MGAT4A: variants seen among roughly 807,000 people sequenced by gnomAD.
MGAT4A encodes the protein N-acetylglucosaminyltransferase IVa.
A neutral mutation model predicts 74.1 loss-of-function variants in MGAT4A; 33 were observed. That is an observed-to-expected ratio of 0.45 (90% CI 0.34 to 0.60). MGAT4A has a LOEUF of 0.60. MGAT4A is among the 20% of genes least tolerant of loss of function. The pLI, the probability that MGAT4A is intolerant of heterozygous loss-of-function variation, is 0.02. For synonymous variants in MGAT4A, 198 were observed against 210.4 expected (o/e 0.94, Z 0.51); for missense variants, 479 against 628.3 (o/e 0.76, Z 2.54).
At chr2:98,689,186 A>G (rs1702164533) in intron 2 of MGAT4A, among the ~76,000 whole-genome samples, 1 of 152,208 alleles carries the variant, frequency 6.6e-6, no homozygotes, top group African/African-American at 2.4e-5. Flanking sequence ...GTTCAAAAAC[A>G]CTACTTTGTA....
At chr2:98,644,513 A>G (rs1701457034) in intron 9 of MGAT4A, among the ~76,000 whole-genome samples, 1 of 152,232 alleles carries the variant, frequency 6.6e-6, no homozygotes, top group African/African-American at 2.4e-5. Flanking sequence ...AATGATCAAG[A>G]TTGTCAAAGG....
intron 2 of MGAT4A, among the ~76,000 whole-genome samples, chr2:98,696,938 T>G (rs1353608964): frequency 6.6e-6 from 1 of 152,220 alleles, no homozygotes; most frequent in Non-Finnish European, 1.5e-5. Flanking sequence ...CCTATATTTC[T>G]GCATTGTGAT....
rs755207905 is a variant in MGAT4A at position 98,683,034 on chromosome 2, G to A, written c.95-4563C>T. The stretch of plus-strand genomic sequence containing the variant: ...ACCCAGGAGGCGGAGGTTGCAGTGA[G>A]CCGAGATCGCGCCACTGCACTCCAG... On this transcript the variant is annotated intron_variant, in intron 2 of 15. Coordinates refer to ENST00000393487, the MANE Select transcript of MGAT4A (RefSeq NM_012214.3). 6.6e-4 allele frequency among the ~76,000 whole-genome samples: 100 copies of A among 151,910 alleles called. 1 individual carries two copies. The highest frequency in any genetic ancestry group is 1.2e-3 in the Admixed American group (18 of 15,260).
At chr2:98,678,152 C>T (rs570442321) in intron 3 of MGAT4A, 152 bp downstream of exon 3, 62 of 170,048 alleles carry the variant, frequency 3.6e-4, no homozygotes, top group Non-Finnish European at 7.0e-4. Context: ...ATGGTGTGAA[C>T]CCTGGAGGTG....
At chr2:98,680,593 T>C (rs1166725099) in intron 2 of MGAT4A, among the ~76,000 whole-genome samples, 1 of 152,222 alleles carries the variant, frequency 6.6e-6, no homozygotes, top group Admixed American at 6.5e-5. Context: ...CGTATTTGCG[T>C]TAATTTGCTC....
At chr2:98,666,556 G>C (rs1404204866) in intron 4 of MGAT4A, among the ~76,000 whole-genome samples, 2 of 152,100 alleles carry the variant, frequency 1.3e-5, no homozygotes, top group Non-Finnish European at 2.9e-5. Context: ...AGCTGGGCAT[G>C]GTGGCGCATG....
chr2:98,641,094 C>G (rs887572104), intron 10 of MGAT4A, among the ~76,000 whole-genome samples: 2 of 152,184 alleles, frequency 1.3e-5, no homozygotes, highest in African/African-American at 4.8e-5. Flanking sequence ...AACCTGTCCT[C>G]ATGCATGGGC....
intron 5 of MGAT4A, among the ~76,000 whole-genome samples, chr2:98,660,414 A>G (rs370139156): frequency 8.3e-6 from 1 of 119,842 alleles, no homozygotes; most frequent in Non-Finnish European, 1.7e-5. Context: ...ACACACACGC[A>G]CGCGCACACA....
chr2:98,637,915 A>G (rs967061649), intron 12 of MGAT4A, among the ~76,000 whole-genome samples: 1 of 152,174 alleles, frequency 6.6e-6, no homozygotes, highest in Non-Finnish European at 1.5e-5. Flanking sequence ...GCCAGTAGAT[A>G]TGGCTGTAAA....
Position 98,624,292 on chromosome 2 carries a change from G to T in MGAT4A, c.*1274C>A. The T allele has an allele frequency of 3.2e-6, 3 of 951,440 alleles. No individual in the cohort carries two copies. Among genetic ancestry groups the T allele is most frequent in the Non-Finnish European group, 3.8e-6 (3 of 799,114 alleles). 58.9% of individuals were successfully genotyped at this position (951,440 alleles called of 1,614,324 possible). ...CTCCCAAAGTGCTGGGATTACAGGCGTGAGCCACAGCGCCTGGTGATAATT... is the reference window on the plus strand; with the variant it reads ...CTCCCAAAGTGCTGGGATTACAGGCTTGAGCCACAGCGCCTGGTGATAATT... On this transcript the variant is annotated 3_prime_UTR_variant, in exon 16 of 16. Coordinates refer to ENST00000393487, the MANE Select transcript of MGAT4A (RefSeq NM_012214.3).
Position 98,675,118 on chromosome 2 carries a change from C to A in MGAT4A, c.320G>T (p.Ser107Ile), listed in dbSNP as rs1446272004. The A allele has an allele frequency of 1.2e-6, 2 of 1,612,570 alleles. No homozygotes were observed. The highest frequency in any genetic ancestry group is 8.5e-7 in the Non-Finnish European group (1 of 1,179,244). The change falls in exon 4 of 16, where the codon AGT (serine) becomes ATT (isoleucine). Residue 107 changes from serine (S) to isoleucine (I), a missense_variant. Around this residue, in one of 3 missense-constraint regions of MGAT4A, gnomAD observed 205 missense variants for 232.7 expected, o/e 0.88. Transcript: ENST00000393487. ...LTSKKSLQVP[S>I]IYYHLPHLLK... is the part of the protein sequence containing the mutation. The stretch of plus-strand genomic sequence containing the variant: ...TAAATGAGGCAAATGATAATAAATA[C>A]TTGGCACTTGAAGAGATTTTTTGCT...
Position 98,621,150 on chromosome 2 carries a change from C to T in MGAT4A, c.*4416G>A. On this transcript the variant is annotated 3_prime_UTR_variant, in exon 16 of 16. Transcript: ENST00000393487. The stretch of plus-strand genomic sequence containing the variant: ...CCACAAATTTAGCAGCTTAAAACAC[C>T]ACTGATTTATTATCTCATAGTTCTG... The T allele has an allele frequency of 3.0e-6, 1 of 334,796 alleles. No individual in the cohort carries two copies. Among genetic ancestry groups the T allele is most frequent in the Non-Finnish European group, 5.4e-6 (1 of 186,284 alleles). The allele number at this position is 334,796 out of a possible 1,614,324, so 20.7% of individuals were successfully genotyped here. A position where few individuals can be genotyped will look rare whatever the true frequency, so the allele number is the denominator to read the frequency against.
At position 98,624,069 on chromosome 2, in the gene MGAT4A, G is replaced by A; in HGVS notation, c.*1497C>T. ...GCTGTGTCGCCCAGGCTGGAGTGCA[G>A]TGGTGCGATCTCAGCTCACTGCCAG... On this transcript the variant is annotated 3_prime_UTR_variant, in exon 16 of 16. Coordinates refer to ENST00000393487, the MANE Select transcript of MGAT4A (RefSeq NM_012214.3). 2 of 961,304 alleles carry A rather than the reference G, an allele frequency of 2.1e-6. No individual in the cohort carries two copies. The highest frequency in any genetic ancestry group is 2.5e-6 in the Non-Finnish European group (2 of 808,178). 59.5% of individuals were successfully genotyped at this position (961,304 alleles called of 1,614,324 possible).
Position 98,622,180 on chromosome 2 carries a change from A to G in MGAT4A, c.*3386T>C. ...ATCATTTGCATTATGTTCTATTCCC[A>G]TGTCTGCTTTTAACCTCATGAGAAT... On this transcript the variant is annotated 3_prime_UTR_variant, in exon 16 of 16. Coordinates refer to ENST00000393487, the MANE Select transcript of MGAT4A (RefSeq NM_012214.3). 1.0e-6 allele frequency: 1 copy of G among 985,434 alleles called. No individual in the cohort carries two copies. Among genetic ancestry groups the G allele is most frequent in the Non-Finnish European group, 1.2e-6 (1 of 829,944 alleles). The allele number at this position is 985,434 out of a possible 1,614,324, so 61.0% of individuals were successfully genotyped here.
chr2:98,624,126 C>T lies in MGAT4A; in HGVS notation c.*1440G>A. The T allele has an allele frequency of 2.8e-6, 2 of 704,404 alleles. No homozygotes were observed. The highest frequency in any genetic ancestry group is 3.5e-6 in the Non-Finnish European group (2 of 573,322). The allele number at this position is 704,404 out of a possible 1,614,324, so 43.6% of individuals were successfully genotyped here. On this transcript the variant is annotated 3_prime_UTR_variant, in exon 16 of 16. Coordinates refer to ENST00000393487, the MANE Select transcript of MGAT4A (RefSeq NM_012214.3). The stretch of plus-strand genomic sequence containing the variant: ...CTCCTGGGTTCACGCCATTCTCCTG[C>T]CTCAGCCTCCCAAGTAGCTGGGATT...
Position 98,622,626 on chromosome 2 carries a change from G to T in MGAT4A, c.*2940C>A, listed in dbSNP as rs900031170. 1 of 985,374 alleles carries T rather than the reference G, an allele frequency of 1.0e-6. No individual in the cohort carries two copies. The highest frequency in any genetic ancestry group is 1.7e-5 in the African/African-American group (1 of 57,200). The allele number at this position is 985,374 out of a possible 1,614,324, so 61.0% of individuals were successfully genotyped here. ...TTTCCTGCTTGGGGAAAGGATGGCTGCTTCTACTAGTTGAGTGCAGAACTG... is the reference window on the plus strand; with the variant it reads ...TTTCCTGCTTGGGGAAAGGATGGCTTCTTCTACTAGTTGAGTGCAGAACTG... On this transcript the variant is annotated 3_prime_UTR_variant, in exon 16 of 16. Transcript: ENST00000393487.
intron 2 of MGAT4A, among the ~76,000 whole-genome samples, chr2:98,707,311 G>T (rs1323702479): frequency 6.6e-6 from 1 of 152,068 alleles, no homozygotes; most frequent in Non-Finnish European, 1.5e-5. Flanking sequence ...ATTTAAATGG[G>T]GTAGGGTGGC....
chr2:98,688,122 C>T (rs549305783), intron 2 of MGAT4A, among the ~76,000 whole-genome samples: 8 of 152,246 alleles, frequency 5.3e-5, no homozygotes, highest in African/African-American at 1.7e-4. Flanking sequence ...CAAGGTCCGC[C>T]GCACCCAAAT....
chr2:98,683,025 T>A (rs1470444826), intron 2 of MGAT4A, among the ~76,000 whole-genome samples: 2 of 150,884 alleles, frequency 1.3e-5, no homozygotes, highest in African/African-American at 2.4e-5. Flanking sequence ...GAGGCGGAGG[T>A]TGCAGTGAGC....
Sources: allele counts gnomAD v4.1 joint callset (sites outside exome capture counted in the v4.1 genomes callset), GRCh38; gene constraint gnomAD v4.1.1; regional missense constraint gnomAD v4.1.1; transcripts MANE v1.5; gene names NCBI Gene and HGNC (gene_info 2026-07-23, HGNC 2026-07-21).